The following KCNH8 variants were observed in gnomAD, a reference collection of about 807,000 sequenced individuals.
The protein encoded by KCNH8 is voltage-gated delayed rectifier potassium channel KCNH8.
A neutral mutation model predicts 103.6 loss-of-function variants in KCNH8; 70 were observed. The ratio of observed to expected loss-of-function variants is 0.68; its 90% CI spans 0.56 to 0.82. KCNH8 has a LOEUF of 0.82. Ranked by LOEUF, KCNH8 falls within the 40% of genes least tolerant of loss-of-function variation. KCNH8 has a pLI of 0.00. For synonymous variants in KCNH8, 498 were observed against 489.4 expected, an observed-to-expected ratio of 1.02 and a Z score of -0.23; for missense variants, 1,217 against 1,329.9, an observed-to-expected ratio of 0.92 and a Z score of 1.32.
chr3:19,450,331 T>C, intron 9 of KCNH8, 26 bp downstream of exon 9: 1 of 1,576,792 alleles, frequency 6.3e-7, no homozygotes, highest in South Asian at 1.1e-5. Context: ...CATGTTGTTT[T>C]CAGGCAGAAA....
chr3:19,502,223 A>T (rs529334943), intron 11 of KCNH8, among the ~76,000 whole-genome samples: 51 of 151,762 alleles, frequency 3.4e-4, no homozygotes, highest in African/African-American at 1.2e-3. Flanking sequence ...AAGGGATGTG[A>T]AGGGCCTCTT....
At chr3:19,492,339 G>A (rs1260836993) in intron 11 of KCNH8, among the ~76,000 whole-genome samples, 1 of 152,104 alleles carries the variant, frequency 6.6e-6, no homozygotes, top group Non-Finnish European at 1.5e-5. Flanking sequence ...TCCATCTTGA[G>A]TTAATTTTTG....
In KCNH8 at chr3:19,502,144, C is replaced by T. The variant is rs368663143; in HGVS notation, c.2041-8219C>T. Among the ~76,000 whole-genome samples the T allele has an allele frequency of 2.0e-3, 289 of 147,294 alleles. 8 individuals carry two copies. In the East Asian group the frequency reaches 0.052, roughly 26 times the overall value. The stretch of plus-strand genomic sequence containing the variant: ...ACACCAACAACAGACAAACAGAGAG[C>T]CAAATCATGAGTGAACTCCCATTCA... On this transcript the variant is annotated intron_variant, in intron 11 of 15. Coordinates refer to ENST00000328405, the MANE Select transcript of KCNH8 (RefSeq NM_144633.3).
intron 1 of KCNH8, among the ~76,000 whole-genome samples, chr3:19,235,813 ACTT>A (rs1321173581): frequency 6.6e-6 from 1 of 152,194 alleles, no homozygotes. Context: ...AGTTGAAATG[ACTT>A]GATTTTCTTA....
chr3:19,457,100 T>C, intron 11 of KCNH8, 118 bp downstream of exon 11: 1 of 606,482 alleles, frequency 1.6e-6, no homozygotes, highest in Non-Finnish European at 2.8e-6. Flanking sequence ...ATCTAAGACG[T>C]GAATATTCAG....
chr3:19,262,635 A>G (rs915014670), intron 2 of KCNH8, among the ~76,000 whole-genome samples: 2 of 152,040 alleles, frequency 1.3e-5, no homozygotes, highest in African/African-American at 2.4e-5. Flanking sequence ...ATGCCCACCC[A>G]TTTAATAAAT....
chr3:19,492,912 C>T lies in KCNH8; in HGVS notation c.2041-17451C>T, dbSNP rs143321717. Among the ~76,000 whole-genome samples, 31 of 144,780 alleles carry T rather than the reference C, an allele frequency of 2.1e-4. 1 individual carries two copies. The East Asian group carries it at 3.8e-3, about 18-fold the overall frequency. 95.0% of individuals were successfully genotyped at this position (144,780 alleles called of 152,430 possible). On this transcript the variant is annotated intron_variant, in intron 11 of 15. Transcript: ENST00000328405. The stretch of plus-strand genomic sequence containing the variant: ...TTTCTGACTTCTTTCACAAGACTTT[C>T]GTAATTTTCCATGTAGAGATCCTCC...
At chr3:19,318,118 T>G (rs1177964163) in intron 3 of KCNH8, among the ~76,000 whole-genome samples, 1 of 151,922 alleles carries the variant, frequency 6.6e-6, no homozygotes, top group Non-Finnish European at 1.5e-5. Context: ...GATAAGCAAC[T>G]TCAGCAAAAT....
intron 2 of KCNH8, among the ~76,000 whole-genome samples, chr3:19,268,241 T>C (rs1335819206): frequency 1.3e-5 from 2 of 151,998 alleles, no homozygotes; most frequent in African/African-American, 4.8e-5. Context: ...GCTCCTATGG[T>C]AGAGAATAAC....
At chr3:19,229,854 C>T (rs150867897) in intron 1 of KCNH8, among the ~76,000 whole-genome samples, 6 of 152,316 alleles carry the variant, frequency 3.9e-5, no homozygotes, top group African/African-American at 1.4e-4. Flanking sequence ...TCCAAAGTTG[C>T]CTCCATGTTT....
intron 4 of KCNH8, 66 bp from the exon 5 acceptor site, chr3:19,347,659 A>G: frequency 1.3e-6 from 2 of 1,572,452 alleles, no homozygotes; most frequent in Non-Finnish European, 8.7e-7. Flanking sequence ...TGTGTGTTTC[A>G]AGCTATGTAA....
chr3:19,299,999 A>T (rs2065045318), intron 3 of KCNH8, among the ~76,000 whole-genome samples: 1 of 152,140 alleles, frequency 6.6e-6, no homozygotes, highest in Non-Finnish European at 1.5e-5. Context: ...CTGTAATCCC[A>T]GCCCTTTGGG....
At position 19,490,476 on chromosome 3, in the gene KCNH8, G is replaced by C. The variant is rs555520289; in HGVS notation, c.2041-19887G>C. On this transcript the variant is annotated intron_variant, in intron 11 of 15. Transcript: ENST00000328405. ...TGCACCTGCACGGGTAATCAGAATG[G>C]AACAGAACAGGACAGGGATTTTCAC... Among the ~76,000 whole-genome samples, 5 of 152,280 alleles carry C rather than the reference G, an allele frequency of 3.3e-5. No homozygotes were observed. In the South Asian group the frequency reaches 1.0e-3, roughly 32 times the overall value.
rs547230878 is a variant in KCNH8 at position 19,491,593 on chromosome 3, C to T, written c.2041-18770C>T. Reference sequence around the variant, plus strand: ...TTTTCTTTATCCAATCCACCACTGACGGTCACCTATGCTGATTCTATGTCT... The same window carrying T: ...TTTTCTTTATCCAATCCACCACTGATGGTCACCTATGCTGATTCTATGTCT... On this transcript the variant is annotated intron_variant, in intron 11 of 15. Transcript: ENST00000328405. 2.0e-4 allele frequency among the ~76,000 whole-genome samples: 31 copies of T among 152,252 alleles called. 1 individual carries two copies. The South Asian group carries it at 4.1e-3, about 20-fold the overall frequency.
At chr3:19,391,169 C>G (rs2066431651) in intron 6 of KCNH8, among the ~76,000 whole-genome samples, 1 of 152,040 alleles carries the variant, frequency 6.6e-6, no homozygotes, top group Non-Finnish European at 1.5e-5. Flanking sequence ...TTGGATGTAG[C>G]AAAAATCTAA....
At chr3:19,464,596 AG>A (rs760455789) in intron 11 of KCNH8, among the ~76,000 whole-genome samples, 1 of 152,196 alleles carries the variant, frequency 6.6e-6, no homozygotes, top group Non-Finnish European at 1.5e-5. Flanking sequence ...GGGAAGCTGA[AG>A]AATGGGAGAA....
intron 3 of KCNH8, among the ~76,000 whole-genome samples, chr3:19,312,947 T>C (rs1357368692): frequency 6.6e-6 from 1 of 151,958 alleles, no homozygotes; most frequent in African/African-American, 2.4e-5. Context: ...TGGATACCTA[T>C]GATTTCAGAA....
intron 11 of KCNH8, among the ~76,000 whole-genome samples, chr3:19,492,830 CGTGT>C (rs67383228): frequency 0.15 from 18,367 of 123,008 alleles, 1,393 homozygotes; most frequent in Middle Eastern, 0.18. Flanking sequence ...AATGTTTTTT[CGTGT>C]GTGTGTGTGT....
At chr3:19,262,389 T>G (rs948505754) in intron 2 of KCNH8, among the ~76,000 whole-genome samples, 1 of 152,066 alleles carries the variant, frequency 6.6e-6, no homozygotes, top group African/African-American at 2.4e-5. Flanking sequence ...TTATTCAATA[T>G]GACTCTGGAA....
Sources: allele counts gnomAD v4.1 joint callset (sites outside exome capture counted in the v4.1 genomes callset), GRCh38; gene constraint gnomAD v4.1.1; transcripts MANE v1.5; gene names NCBI Gene and HGNC (gene_info 2026-07-23, HGNC 2026-07-21).